The following KLF8 variants were observed in gnomAD, a reference collection of about 807,000 sequenced individuals.
KLF8 encodes the protein KLF transcription factor 8.
KLF8 carries 10 observed loss-of-function variants against 18.2 expected under a neutral mutation model. The observed-to-expected ratio is 0.55, with a 90% confidence interval of 0.34 to 0.93. KLF8 has a LOEUF of 0.93. Ranked by LOEUF, KLF8 falls within the 40% of genes least tolerant of loss-of-function variation. The pLI is 0.02. For synonymous variants in KLF8, 109 were observed against 97.3 expected, an observed-to-expected ratio of 1.12 and a Z score of -0.71; for missense variants, 264 against 277.9, an observed-to-expected ratio of 0.95 and a Z score of 0.36.
At chrX:56,003,828 T>C in the KLF8 span, among the ~76,000 whole-genome samples, 1 of 112,471 alleles carries the variant, frequency 8.9e-6, no homozygotes, top group Non-Finnish European at 1.9e-5. Flanking sequence ...TCTTAAAATC[T>C]GTTTTACCTC....
the KLF8 span, among the ~76,000 whole-genome samples, chrX:56,190,950 A>T: frequency 1.8e-5 from 2 of 111,489 alleles, no homozygotes; most frequent in Non-Finnish European, 3.8e-5. Flanking sequence ...TTAGTAGAAG[A>T]TATACTACAG....
chrX:56,164,302 C>T, the KLF8 span, among the ~76,000 whole-genome samples: 1 of 91,225 alleles, frequency 1.1e-5, no homozygotes, highest in Non-Finnish European at 2.1e-5. Flanking sequence ...CTGCATTTTT[C>T]AGTCTTTAAA....
At chrX:56,017,009 G>T in the KLF8 span, among the ~76,000 whole-genome samples, 1 of 111,318 alleles carries the variant, frequency 9.0e-6, no homozygotes, top group Non-Finnish European at 1.9e-5. Context: ...TGGATTGAGG[G>T]AGGTGCTATA....
the KLF8 span, among the ~76,000 whole-genome samples, chrX:56,160,363 C>A: frequency 5.3e-4 from 59 of 111,634 alleles, no homozygotes; most frequent in Admixed American, 4.9e-3. Flanking sequence ...AATGTATATT[C>A]TGTTGATTTG....
At chrX:55,961,477 T>G in the KLF8 span, 86 of 548,575 alleles carry the variant, frequency 1.6e-4, no homozygotes, top group African/African-American at 1.8e-3. Context: ...CACAAAAAAT[T>G]TGGACAAAGA....
At chrX:56,140,797 T>TAAAAAAA in the KLF8 span, among the ~76,000 whole-genome samples, 12 of 43,902 alleles carry the variant, frequency 2.7e-4, no homozygotes, top group African/African-American at 1.1e-3. Flanking sequence ...GCCCCTCCAG[T>TAAAAAAA]AAAAAAAAAA....
the KLF8 span, among the ~76,000 whole-genome samples, chrX:56,157,941 T>C: frequency 1.8e-5 from 2 of 112,013 alleles, no homozygotes; most frequent in South Asian, 3.7e-4. Context: ...TTGCTTTTGG[T>C]GTTTTAGACA....
At chrX:56,175,015 C>T in the KLF8 span, among the ~76,000 whole-genome samples, 2 of 111,462 alleles carry the variant, frequency 1.8e-5, no homozygotes, top group African/African-American at 3.3e-5. Flanking sequence ...TGTCAGCAGT[C>T]TATCAATTTT....
At chrX:55,932,461 T>C in the KLF8 span, among the ~76,000 whole-genome samples, 1 of 111,681 alleles carries the variant, frequency 9.0e-6, no homozygotes, top group Non-Finnish European at 1.9e-5. Context: ...TTCTTCATAG[T>C]ATCGATGGTC....
the KLF8 span, among the ~76,000 whole-genome samples, chrX:55,933,728 C>G: frequency 2.7e-5 from 3 of 111,874 alleles, no homozygotes; most frequent in Non-Finnish European, 3.8e-5. Context: ...ACAATTTTTT[C>G]TGTCTTATGG....
At chrX:56,159,688 G>C in the KLF8 span, among the ~76,000 whole-genome samples, 1 of 112,393 alleles carries the variant, frequency 8.9e-6, no homozygotes, top group Non-Finnish European at 1.9e-5. Context: ...GGTGTTTATA[G>C]TACTCTCTGA....
At chrX:56,205,528 G>T in the KLF8 span, among the ~76,000 whole-genome samples, 1 of 111,816 alleles carries the variant, frequency 8.9e-6, no homozygotes, top group Non-Finnish European at 1.9e-5. Flanking sequence ...TCATGATGAA[G>T]GATCTTTCTA....
At chrX:56,168,220 C>A in the KLF8 span, among the ~76,000 whole-genome samples, 1 of 112,004 alleles carries the variant, frequency 8.9e-6, no homozygotes, top group Non-Finnish European at 1.9e-5. Flanking sequence ...ATTCAGTAAA[C>A]AAAGTCAACA....
chrX:56,066,127 C>A, the KLF8 span, among the ~76,000 whole-genome samples: 1 of 111,839 alleles, frequency 8.9e-6, no homozygotes, highest in African/African-American at 3.3e-5. Flanking sequence ...AACACTCTGG[C>A]TCCCAGGTGG....
chrX:56,065,610 C>T, the KLF8 span, among the ~76,000 whole-genome samples: 1 of 110,217 alleles, frequency 9.1e-6, no homozygotes, highest in Non-Finnish European at 1.9e-5. Flanking sequence ...GTTGTCTTTT[C>T]TTTGTTATAT....
the KLF8 span, among the ~76,000 whole-genome samples, chrX:55,998,691 A>G: frequency 9.0e-6 from 1 of 111,477 alleles, no homozygotes; most frequent in Non-Finnish European, 1.9e-5. Flanking sequence ...CTTTCTACAC[A>G]GACACAGTGA....
chrX:55,949,552 G>T, the KLF8 span, among the ~76,000 whole-genome samples: 1 of 110,668 alleles, frequency 9.0e-6, no homozygotes. Context: ...CCAGCACTTT[G>T]GGAGGCCGAG....
At chrX:56,046,450 A>G in the KLF8 span, among the ~76,000 whole-genome samples, 1 of 110,732 alleles carries the variant, frequency 9.0e-6, no homozygotes, top group Admixed American at 9.6e-5. Flanking sequence ...TCATTGTGCT[A>G]TTTGTTGTCT....
At chrX:56,265,994 C>T (rs1047518856) in intron 3 of KLF8, 9 of 897,093 alleles carry the variant, frequency 1.0e-5, no homozygotes, top group African/African-American at 8.2e-5. Flanking sequence ...CTTCCTGGAA[C>T]TTCCACATTA....
Sources: gnomAD v4.1 joint callset for allele counts (sites outside exome capture counted in the v4.1 genomes callset) on GRCh38, gnomAD v4.1.1 for gene constraint, MANE v1.5 for transcripts, NCBI Gene and HGNC (gene_info 2026-07-23, HGNC 2026-07-21) for gene names.